Variants in SGCD observed in about 807,000 individuals in gnomAD.
The protein encoded by SGCD is sarcoglycan delta, also known as delta-sarcoglycan.
In SGCD, 18 loss-of-function variants were observed where a neutral mutation model predicts 36.6. The ratio of observed to expected loss-of-function variants is 0.49; its 90% CI spans 0.34 to 0.73. SGCD has a LOEUF of 0.73. SGCD is among the 30% of genes least tolerant of loss of function. SGCD has a pLI of 0.01. For synonymous variants in SGCD, 133 were observed against 130.6 expected (o/e 1.02, Z -0.12); for missense variants, 387 against 346.7 (o/e 1.12, Z -0.92).
chr5:156,413,977 A>G (rs1056566980), intron 3 of SGCD, among the ~76,000 whole-genome samples: 9 of 152,172 alleles, frequency 5.9e-5, no homozygotes, highest in African/African-American at 1.9e-4. Flanking sequence ...TACAGAAGAG[A>G]TAAAACTAAC....
intron 7 of SGCD, 116 bp from the exon 8 acceptor site, chr5:156,757,463 TAA>T: frequency 1.5e-6 from 1 of 684,118 alleles, no homozygotes; most frequent in Non-Finnish European, 2.4e-6. Context: ...AGCAAAACTT[TAA>T]AAAATTCTCT....
chr5:156,472,637 C>A (rs545481868), intron 3 of SGCD, among the ~76,000 whole-genome samples: 1 of 152,108 alleles, frequency 6.6e-6, no homozygotes, highest in African/African-American at 2.4e-5. Context: ...AGGCTGGTCT[C>A]GAACTCCTGA....
chr5:155,739,470 C>A, the SGCD span, among the ~76,000 whole-genome samples: 7 of 152,126 alleles, frequency 4.6e-5, no homozygotes, highest in African/African-American at 1.7e-4. Context: ...AATGTATAAC[C>A]ATGTAATAAA....
the SGCD span, among the ~76,000 whole-genome samples, chr5:155,828,345 T>C: frequency 6.6e-6 from 1 of 152,200 alleles, no homozygotes; most frequent in African/African-American, 2.4e-5. Flanking sequence ...CCAGAGCAGT[T>C]TGGCTCAATA....
chr5:156,438,093 G>C (rs78312162), intron 3 of SGCD, among the ~76,000 whole-genome samples: 2 of 152,174 alleles, frequency 1.3e-5, no homozygotes, highest in South Asian at 4.1e-4. Context: ...AAGTATCTCC[G>C]TTAGGGTTTT....
At chr5:155,951,393 C>G (rs949950316) in intron 1 of SGCD, among the ~76,000 whole-genome samples, 4 of 152,040 alleles carry the variant, frequency 2.6e-5, no homozygotes, top group African/African-American at 9.6e-5. Context: ...GGTTAAATCT[C>G]AAAAATATGA....
intron 7 of SGCD, 145 bp downstream of exon 7, chr5:156,647,681 T>A (rs1298752377): frequency 3.1e-6 from 2 of 638,156 alleles, no homozygotes; most frequent in Non-Finnish European, 5.6e-6. Context: ...GAAGATAAGC[T>A]ACAACCAAAA....
intron 2 of SGCD, among the ~76,000 whole-genome samples, chr5:156,332,326 TG>T (rs1768108059): frequency 6.6e-6 from 1 of 152,246 alleles, no homozygotes; most frequent in Non-Finnish European, 1.5e-5. Flanking sequence ...GATATCATAA[TG>T]TTGATCTTCT....
At chr5:156,625,881 T>C (rs903705787) in intron 6 of SGCD, among the ~76,000 whole-genome samples, 1 of 152,088 alleles carries the variant, frequency 6.6e-6, no homozygotes, top group African/African-American at 2.4e-5. Context: ...ATTCTGAGGA[T>C]GGGGTTAGTC....
At chr5:155,945,509 A>G (rs557277537) in intron 1 of SGCD, among the ~76,000 whole-genome samples, 1 of 152,314 alleles carries the variant, frequency 6.6e-6, no homozygotes, top group Admixed American at 6.5e-5. Context: ...AAATGATGGT[A>G]GGTTCTGGAA....
chr5:155,967,119 C>A (rs1395052897), intron 1 of SGCD, among the ~76,000 whole-genome samples: 1 of 151,950 alleles, frequency 6.6e-6, no homozygotes, highest in East Asian at 1.9e-4. Context: ...CTTCTAGAAT[C>A]CCTCATTGTT....
At chr5:156,326,304 T>A (rs543185725), upstream of SGCD, among the ~76,000 whole-genome samples, 1 of 152,286 alleles carries the variant, frequency 6.6e-6, no homozygotes, top group African/African-American at 2.4e-5. Flanking sequence ...CCAGAAATAA[T>A]CACAGGTGCA....
chr5:155,809,801 A>T, the SGCD span, among the ~76,000 whole-genome samples: 61 of 152,352 alleles, frequency 4.0e-4, no homozygotes, highest in African/African-American at 1.4e-3. Flanking sequence ...CTTGCAACAG[A>T]TATTTACAAT....
At chr5:156,142,992 C>A (rs1237989036) in intron 3 of SGCD, among the ~76,000 whole-genome samples, 1 of 152,204 alleles carries the variant, frequency 6.6e-6, no homozygotes, top group Non-Finnish European at 1.5e-5. Context: ...GACTGGAAGG[C>A]ATTTAAGAAA....
At chr5:156,075,140 C>G (rs544459797) in intron 1 of SGCD, among the ~76,000 whole-genome samples, 1 of 152,092 alleles carries the variant, frequency 6.6e-6, no homozygotes. Flanking sequence ...GTACATAATG[C>G]TTACACACAA....
At chr5:155,746,468 A>C in the SGCD span, among the ~76,000 whole-genome samples, 1 of 152,252 alleles carries the variant, frequency 6.6e-6, no homozygotes. Context: ...AGTTTATTTA[A>C]AGAGACAGTA....
In SGCD at chr5:156,508,655, T is replaced by G; in HGVS notation, c.247T>G (p.Ser83Ala). The G allele has an allele frequency of 6.2e-7, 1 of 1,612,376 alleles. No individual in the cohort carries two copies. Among genetic ancestry groups the G allele is most frequent in the South Asian group, 1.1e-5 (1 of 90,926 alleles). ...TEKGLKLEGD[S>A]EFLQPLYAKE... ...AAAAGGTCTAAAGCTAGAAGGAGAC[T>G]CTGAATTCTTACAACCTCTCTACGC... Residue 83 changes from serine (S) to alanine (A), a missense_variant, in exon 4 of 9, where the codon TCT becomes GCT. Coordinates refer to ENST00000337851, the MANE Select transcript of SGCD (RefSeq NM_000337.6).
chr5:156,088,585 G>C (rs972909129), intron 1 of SGCD, among the ~76,000 whole-genome samples: 2 of 151,918 alleles, frequency 1.3e-5, no homozygotes, highest in African/African-American at 4.8e-5. Flanking sequence ...CTCCAGCTTC[G>C]ACCACCTGGA....
intron 3 of SGCD, among the ~76,000 whole-genome samples, chr5:156,389,891 T>C (rs367895200): frequency 1.3e-4 from 15 of 115,514 alleles, no homozygotes; most frequent in African/African-American, 4.8e-4. Flanking sequence ...TAGTGGCTGG[T>C]ATATATTATG....
Sources: allele counts gnomAD v4.1 joint callset (sites outside exome capture counted in the v4.1 genomes callset), GRCh38; gene constraint gnomAD v4.1.1; transcripts MANE v1.5; gene names NCBI Gene and HGNC (gene_info 2026-07-23, HGNC 2026-07-21).